Variants in DLG2 observed in about 807,000 individuals in gnomAD.
The protein encoded by DLG2 is disks large homolog 2.
Under a neutral mutation model 132.5 loss-of-function variants are expected in DLG2, and 45 were observed. That is an observed-to-expected ratio of 0.34 (90% CI 0.27 to 0.44). The LOEUF (loss-of-function observed/expected upper bound fraction) is 0.44. Ranked by LOEUF, DLG2 falls within the 20% of genes least tolerant of loss-of-function variation. DLG2 has a pLI of 1.00. For missense variants in DLG2, 1,045 were observed against 1,196.9 expected (o/e 0.87, Z 1.87); for synonymous variants, 424 against 419.6 (o/e 1.01, Z -0.13).
intron 3 of DLG2, among the ~76,000 whole-genome samples, chr11:85,542,102 G>A (rs2076009887): frequency 6.6e-6 from 1 of 152,092 alleles, no homozygotes; most frequent in African/African-American, 2.4e-5. Context: ...TGCCCACAGA[G>A]AAAGAGAAAT....
chr11:83,710,986 A>C (rs1242187329), intron 18 of DLG2, among the ~76,000 whole-genome samples: 1 of 152,146 alleles, frequency 6.6e-6, no homozygotes, highest in East Asian at 1.9e-4. Context: ...GGACTGTCTC[A>C]TTTATTCTCA....
At chr11:84,520,419 T>C (rs979851707) in intron 7 of DLG2, among the ~76,000 whole-genome samples, 33 of 152,310 alleles carry the variant, frequency 2.2e-4, no homozygotes, top group African/African-American at 7.5e-4. Context: ...CTCTGAAATA[T>C]GGTCCTCAGA....
intron 11 of DLG2, among the ~76,000 whole-genome samples, chr11:83,997,634 G>A (rs1042606623): frequency 4.7e-5 from 7 of 147,804 alleles, no homozygotes; most frequent in African/African-American, 1.7e-4. Flanking sequence ...AGGAGTCTGA[G>A]GGATAAGAAT....
intron 7 of DLG2, among the ~76,000 whole-genome samples, chr11:84,515,758 A>T (rs2099270876): frequency 1.3e-5 from 2 of 151,856 alleles, no homozygotes; most frequent in African/African-American, 4.8e-5. Context: ...TATACAGAAT[A>T]TTTTCTCTAA....
At chr11:84,397,355 T>C (rs775282613) in intron 7 of DLG2, among the ~76,000 whole-genome samples, 33 of 152,246 alleles carry the variant, frequency 2.2e-4, no homozygotes, top group Non-Finnish European at 3.7e-4. Flanking sequence ...TAAACTTCTA[T>C]CTGAGACAAT....
At chr11:84,790,997 T>C (rs2073760066) in intron 6 of DLG2, among the ~76,000 whole-genome samples, 1 of 152,166 alleles carries the variant, frequency 6.6e-6, no homozygotes, top group Admixed American at 6.5e-5. Context: ...CTGGGTAACT[T>C]ATAAGTGACT....
chr11:85,626,123 T>C (rs559763701), intron 2 of DLG2, among the ~76,000 whole-genome samples: 1 of 152,254 alleles, frequency 6.6e-6, no homozygotes, highest in Non-Finnish European at 1.5e-5. Context: ...AAATAATAAG[T>C]CTATTTTTTA....
chr11:84,231,460 G>A (rs2097092581), intron 8 of DLG2, among the ~76,000 whole-genome samples: 1 of 152,122 alleles, frequency 6.6e-6, no homozygotes, highest in African/African-American at 2.4e-5. Flanking sequence ...CTTCAAGAAT[G>A]ACTGGCTTTT....
intron 7 of DLG2, among the ~76,000 whole-genome samples, chr11:84,384,707 G>A (rs1029375743): frequency 4.0e-5 from 6 of 151,778 alleles, no homozygotes; most frequent in Non-Finnish European, 2.9e-5. Flanking sequence ...GCATTCTCAC[G>A]AACCCTACAT....
intron 18 of DLG2, among the ~76,000 whole-genome samples, chr11:83,635,549 G>A (rs562593951): frequency 4.6e-5 from 7 of 152,084 alleles, no homozygotes; most frequent in Non-Finnish European, 1.0e-4. Context: ...TTACCCTAGT[G>A]GTACATGTAT....
chr11:85,022,961 G>A (rs1388587213), intron 6 of DLG2, among the ~76,000 whole-genome samples: 1 of 152,028 alleles, frequency 6.6e-6, no homozygotes, highest in Non-Finnish European at 1.5e-5. Context: ...GACCTGCAAG[G>A]ATTGATTGCA....
chr11:83,966,865 C>G (rs2154161156), intron 12 of DLG2, among the ~76,000 whole-genome samples: 1 of 152,168 alleles, frequency 6.6e-6, no homozygotes, highest in East Asian at 1.9e-4. Flanking sequence ...ATATCTGCTA[C>G]TTTTTATCCT....
chr11:83,783,384 T>C (rs527504988), intron 18 of DLG2, among the ~76,000 whole-genome samples: 50 of 152,372 alleles, frequency 3.3e-4, no homozygotes, highest in Admixed American at 2.5e-3. Flanking sequence ...ATAAATTATT[T>C]ATAATTATCA....
At chr11:84,237,559 G>C (rs1343663576) in intron 8 of DLG2, among the ~76,000 whole-genome samples, 4 of 152,132 alleles carry the variant, frequency 2.6e-5, no homozygotes, top group Non-Finnish European at 2.9e-5. Context: ...AGGGCACTTG[G>C]TAGAAATTAG....
At chr11:83,899,696 G>A (rs1327932650) in intron 15 of DLG2, among the ~76,000 whole-genome samples, 1 of 152,026 alleles carries the variant, frequency 6.6e-6, no homozygotes, top group African/African-American at 2.4e-5. Flanking sequence ...CAGCCACGTG[G>A]AAATGTAAGT....
At chr11:85,593,356 G>C (rs2079502655) in intron 3 of DLG2, among the ~76,000 whole-genome samples, 1 of 152,136 alleles carries the variant, frequency 6.6e-6, no homozygotes, top group Admixed American at 6.5e-5. Context: ...AGAATCACCT[G>C]AAAGGATTAG....
intron 25 of DLG2, among the ~76,000 whole-genome samples, chr11:83,468,084 C>G (rs1397574102): frequency 1.3e-5 from 2 of 151,942 alleles, no homozygotes; most frequent in African/African-American, 4.8e-5. Flanking sequence ...GAAATGTCCT[C>G]ATTACCCTGA....
At position 83,962,950 on chromosome 11, in the gene DLG2, T is replaced by C. The variant is rs756478057; in HGVS notation, c.1275A>G (p.Pro425=). ...GTGAGTACCTTCCTGGAGAGATGGG[T>C]GGCAGGGAGGTTTTATATTCTAAAG... ...NGTLEYKTSL[P]PISPGRYSPI... The change falls in exon 14 of 28, where the codon CCA becomes CCG. Residue 425 remains proline, a synonymous_variant. Coordinates refer to ENST00000376104, the MANE Select transcript of DLG2 (RefSeq NM_001142699.3). 5 of 1,613,164 alleles carry C rather than the reference T, an allele frequency of 3.1e-6. No individual in the cohort carries two copies. Among genetic ancestry groups the C allele is most frequent in the Non-Finnish European group, 4.2e-6 (5 of 1,179,246 alleles).
At chr11:85,064,556 G>T (rs2064602929) in intron 6 of DLG2, among the ~76,000 whole-genome samples, 4 of 151,686 alleles carry the variant, frequency 2.6e-5, no homozygotes, top group Admixed American at 6.6e-5. Context: ...TTTCAAAAGG[G>T]ATTATACCAT....
Sources: gnomAD v4.1 joint callset for allele counts (sites outside exome capture counted in the v4.1 genomes callset) on GRCh38, gnomAD v4.1.1 for gene constraint, MANE v1.5 for transcripts, NCBI Gene and HGNC (gene_info 2026-07-23, HGNC 2026-07-21) for gene names.